The following PTPRT variants were observed in gnomAD, a reference collection of about 807,000 sequenced individuals.
PTPRT encodes the protein protein tyrosine phosphatase receptor type T, also known as receptor-type tyrosine-protein phosphatase T.
PTPRT carries 56 observed loss-of-function variants against 176.8 expected under a neutral mutation model. That is an observed-to-expected ratio of 0.32 (90% CI 0.26 to 0.40). The LOEUF (loss-of-function observed/expected upper bound fraction) is 0.40, where lower values mean the gene tolerates loss of function less well. Ranked by LOEUF, PTPRT falls within the 10% of genes least tolerant of loss-of-function variation. The pLI is 1.00. For missense variants in PTPRT, 1,540 were observed against 1,908.2 expected (o/e 0.81, Z 3.60); for synonymous variants, 783 against 739.0 (o/e 1.06, Z -0.96).
chr20:42,958,058 GCAGA>G (rs1981743301), intron 1 of PTPRT, among the ~76,000 whole-genome samples: 1 of 150,440 alleles, frequency 6.6e-6, no homozygotes, highest in Non-Finnish European at 1.5e-5. Flanking sequence ...AGAGAGAGCG[GCAGA>G]CAGGCTCTGT....
At chr20:42,243,804 T>C (rs2056400988) in intron 14 of PTPRT, among the ~76,000 whole-genome samples, 1 of 152,204 alleles carries the variant, frequency 6.6e-6, no homozygotes, top group African/African-American at 2.4e-5. Context: ...ACGTGATCTT[T>C]TCGAACTTCA....
At chr20:42,847,199 C>G (rs2078388529) in intron 2 of PTPRT, among the ~76,000 whole-genome samples, 1 of 152,082 alleles carries the variant, frequency 6.6e-6, no homozygotes, top group African/African-American at 2.4e-5. Context: ...AGCAGAGCAC[C>G]CACGGGGATG....
At chr20:42,486,193 G>A (rs1373812098) in intron 7 of PTPRT, among the ~76,000 whole-genome samples, 1 of 152,218 alleles carries the variant, frequency 6.6e-6, no homozygotes, top group African/African-American at 2.4e-5. Flanking sequence ...CCATGACATT[G>A]TGAGACACAA....
intron 13 of PTPRT, among the ~76,000 whole-genome samples, chr20:42,271,986 C>A (rs2056943700): frequency 6.6e-6 from 1 of 152,176 alleles, no homozygotes; most frequent in Non-Finnish European, 1.5e-5. Context: ...CATAATACTT[C>A]TCCCTTAAAA....
chr20:42,866,987 C>A (rs114760581), intron 2 of PTPRT, among the ~76,000 whole-genome samples: 1 of 152,208 alleles, frequency 6.6e-6, no homozygotes. Context: ...CTCCAAAATG[C>A]TACCTGATAC....
chr20:42,317,162 C>T (rs2057732617), intron 11 of PTPRT, among the ~76,000 whole-genome samples: 1 of 152,176 alleles, frequency 6.6e-6, no homozygotes, highest in African/African-American at 2.4e-5. Flanking sequence ...TGCAGAAACC[C>T]TAATCGGATA....
the PTPRT span, among the ~76,000 whole-genome samples, chr20:42,042,153 C>T: frequency 6.6e-6 from 1 of 152,180 alleles, no homozygotes; most frequent in Non-Finnish European, 1.5e-5. Flanking sequence ...TTGAAAGGCC[C>T]AGAGCCTCTA....
intron 7 of PTPRT, among the ~76,000 whole-genome samples, chr20:42,489,847 T>G (rs2071531070): frequency 6.6e-6 from 1 of 152,220 alleles, no homozygotes; most frequent in Admixed American, 6.5e-5. Context: ...AAAGTCATTC[T>G]GCAATATTCT....
intron 6 of PTPRT, among the ~76,000 whole-genome samples, chr20:42,682,830 A>G (rs1600600808): frequency 6.6e-6 from 1 of 152,202 alleles, no homozygotes; most frequent in Non-Finnish European, 1.5e-5. Context: ...ATCAATCTCC[A>G]GAACAATTCT....
intron 7 of PTPRT, among the ~76,000 whole-genome samples, chr20:42,508,127 T>TG (rs1555871976): frequency 1.4e-4 from 21 of 146,702 alleles, no homozygotes; most frequent in South Asian, 4.3e-4. Flanking sequence ...ATTACCCTTT[T>TG]TGTGTGTGTG....
At chr20:43,186,724 C>T (rs1017387962) in intron 1 of PTPRT, among the ~76,000 whole-genome samples, 1 of 152,206 alleles carries the variant, frequency 6.6e-6, no homozygotes, top group African/African-American at 2.4e-5. Flanking sequence ...CACGTTTGCA[C>T]ATTAATTGTT....
At chr20:42,687,421 C>T (rs2075716359) in intron 6 of PTPRT, 1 of 152,294 alleles carries the variant, frequency 6.6e-6, no homozygotes, top group Non-Finnish European at 1.5e-5. Flanking sequence ...ATCTGCAACA[C>T]TCTGTCTGCC....
In PTPRT at chr20:42,816,339, A is replaced by C. The variant is rs373727604; in HGVS notation, c.215-24873T>G. Reference sequence around the variant, plus strand: ...ATGCTCGAGTCCAGCAGAAAAGGAAATATAATCCTAGCACACGGTTTGGTT... The same window carrying C: ...ATGCTCGAGTCCAGCAGAAAAGGAACTATAATCCTAGCACACGGTTTGGTT... On this transcript the variant is annotated intron_variant, in intron 2 of 30. Transcript: ENST00000373187. 2.0e-5 allele frequency among the ~76,000 whole-genome samples: 3 copies of C among 152,338 alleles called. No individual in the cohort carries two copies. In the East Asian group the frequency reaches 5.8e-4, roughly 29 times the overall value.
chr20:42,534,045 T>C (rs1008602740), intron 7 of PTPRT, among the ~76,000 whole-genome samples: 2 of 152,180 alleles, frequency 1.3e-5, no homozygotes, highest in Non-Finnish European at 2.9e-5. Flanking sequence ...ACAGGTCACC[T>C]GGCCAGGGAG....
At chr20:42,570,016 A>G (rs2073126452) in intron 7 of PTPRT, among the ~76,000 whole-genome samples, 1 of 152,208 alleles carries the variant, frequency 6.6e-6, no homozygotes, top group Admixed American at 6.5e-5. Flanking sequence ...TATAGAAAGA[A>G]TGAAGCTAGT....
chr20:42,567,013 T>A (rs1266778740), intron 7 of PTPRT, among the ~76,000 whole-genome samples: 1 of 152,204 alleles, frequency 6.6e-6, no homozygotes, highest in Non-Finnish European at 1.5e-5. Flanking sequence ...GGCTCACACC[T>A]GTAACCCCAG....
intron 12 of PTPRT, among the ~76,000 whole-genome samples, chr20:42,300,798 T>C (rs761254019): frequency 2.5e-4 from 37 of 150,458 alleles, no homozygotes; most frequent in Non-Finnish European, 3.5e-4. Context: ...TATTATACTT[T>C]AAGTTTTAGG....
chr20:42,921,222 T>G (rs2145953415), intron 1 of PTPRT, among the ~76,000 whole-genome samples: 1 of 152,304 alleles, frequency 6.6e-6, no homozygotes, highest in Non-Finnish European at 1.5e-5. Context: ...CATCTCTGTT[T>G]TCCAAAATTT....
At chr20:43,011,412 C>T (rs866647849) in intron 1 of PTPRT, among the ~76,000 whole-genome samples, 2 of 152,088 alleles carry the variant, frequency 1.3e-5, no homozygotes, top group African/African-American at 2.4e-5. Flanking sequence ...GAAGATGATC[C>T]CCCAAACAGG....
Sources: gnomAD v4.1 joint callset for allele counts (sites outside exome capture counted in the v4.1 genomes callset) on GRCh38, gnomAD v4.1.1 for gene constraint, MANE v1.5 for transcripts, NCBI Gene and HGNC (gene_info 2026-07-23, HGNC 2026-07-21) for gene names.